MYO1H: variants seen among roughly 807,000 people sequenced by gnomAD.
The protein encoded by MYO1H is unconventional myosin-Ih.
In MYO1H, 118 loss-of-function variants were observed where a neutral mutation model predicts 149.3. The ratio of observed to expected loss-of-function variants is 0.79; its 90% CI spans 0.68 to 0.92. MYO1H has a LOEUF of 0.92. MYO1H is among the 40% of genes least tolerant of loss of function. The pLI, the probability that MYO1H is intolerant of heterozygous loss-of-function variation, is 0.00. For synonymous variants in MYO1H, 447 were observed against 465.2 expected (o/e 0.96, Z 0.50); for missense variants, 1,212 against 1,280.7 (o/e 0.95, Z 0.82).
chr12:109,323,104 C>T, the MYO1H span, among the ~76,000 whole-genome samples: 740 of 152,086 alleles, frequency 4.9e-3, 2 homozygotes, highest in African/African-American at 0.017. Flanking sequence ...GAGACTGTCT[C>T]AAAAACAAAA....
the MYO1H span, among the ~76,000 whole-genome samples, chr12:109,319,984 G>GC: frequency 6.6e-6 from 1 of 152,010 alleles, no homozygotes; most frequent in South Asian, 2.1e-4. Context: ...GTCTAATATG[G>GC]TAGCCATGAA....
At chr12:109,390,639 A>G (rs143771538) in intron 2 of MYO1H, among the ~76,000 whole-genome samples, 2 of 151,508 alleles carry the variant, frequency 1.3e-5, no homozygotes, top group Non-Finnish European at 2.9e-5. Flanking sequence ...GTTTGTAGGT[A>G]TACCCATCCT....
At chr12:109,415,711 C>A in intron 15 of MYO1H, 91 bp downstream of exon 15, 1 of 862,098 alleles carries the variant, frequency 1.2e-6, no homozygotes, top group Non-Finnish European at 1.7e-6. Context: ...AAATGGTGCA[C>A]AGCCATCCCA....
exon 4 of MYO1H, chr12:109,396,411 A>T (rs1477899952): frequency 6.2e-7 from 1 of 1,612,168 alleles, no homozygotes; most frequent in Admixed American, 1.7e-5. Flanking sequence ...ACGCTTACCG[A>T]ATGATGTGTG....
At chr12:109,332,578 T>C in the MYO1H span, among the ~76,000 whole-genome samples, 147 of 152,340 alleles carry the variant, frequency 9.6e-4, 2 homozygotes, top group South Asian at 4.1e-4. Context: ...CTTTTCATTT[T>C]CATTTTTATT....
Position 109,440,807 on chromosome 12 carries a change from A to G in MYO1H, c.2518A>G (p.Thr840Ala). The G allele has an allele frequency of 6.4e-7, 1 of 1,563,168 alleles. No individual in the cohort carries two copies. The highest frequency in any genetic ancestry group is 8.7e-7 in the Non-Finnish European group (1 of 1,153,662). The change falls in exon 25 of 32, where the codon ACA (threonine) becomes GCA (alanine). Residue 840 changes from threonine (T) to alanine (A), a missense_variant. Coordinates refer to ENST00000310903, the Ensembl canonical transcript of MYO1H. ...GGTGCAGAAGTACTGCCGCGGGATC[A>G]CAGCTGAGCGGAAAGCAATGGTAGG... is the stretch of plus-strand genomic sequence containing the variant.
At chr12:109,365,836 C>G (rs923844890) in intron 1 of MYO1H, among the ~76,000 whole-genome samples, 2 of 152,120 alleles carry the variant, frequency 1.3e-5, no homozygotes, top group Non-Finnish European at 1.5e-5. Context: ...GGGCAGTGGA[C>G]TGGTACCGGT....
At chr12:109,334,646 A>G in the MYO1H span, among the ~76,000 whole-genome samples, 1 of 152,146 alleles carries the variant, frequency 6.6e-6, no homozygotes, top group African/African-American at 2.4e-5. Flanking sequence ...TTTCTTGTCT[A>G]TGTATCTCGA....
chr12:109,417,432 A>G (rs1405634854), intron 15 of MYO1H, among the ~76,000 whole-genome samples: 2 of 151,930 alleles, frequency 1.3e-5, no homozygotes, highest in Admixed American at 1.3e-4. Flanking sequence ...GGTTCACGCC[A>G]TTCTCCTGCC....
At chr12:109,327,128 C>CTTTTTTTTTTTTTT in the MYO1H span, among the ~76,000 whole-genome samples, 1 of 103,692 alleles carries the variant, frequency 9.6e-6, no homozygotes, top group African/African-American at 4.2e-5. Flanking sequence ...TTTTCTTTTT[C>CTTTTTTTTTTTTTT]TTTTTCTTTT....
At chr12:109,346,235 C>T (rs2048102151), upstream of MYO1H, among the ~76,000 whole-genome samples, 1 of 152,072 alleles carries the variant, frequency 6.6e-6, no homozygotes, top group Admixed American at 6.5e-5. Flanking sequence ...TATAAGTAAT[C>T]TGACAATGAT....
At chr12:109,326,249 G>A in the MYO1H span, among the ~76,000 whole-genome samples, 3 of 152,114 alleles carry the variant, frequency 2.0e-5, no homozygotes, top group African/African-American at 7.2e-5. Context: ...CCAGAAGTTT[G>A]TATGTTTCTA....
At chr12:109,436,608 C>T (rs530013318) in intron 22 of MYO1H, 52 bp downstream of exon 22, 2 of 1,250,318 alleles carry the variant, frequency 1.6e-6, no homozygotes, top group East Asian at 5.0e-5. Flanking sequence ...ATCTGCTTGG[C>T]ACCTGGGGGC....
chr12:109,394,112 G>A lies in MYO1H; in HGVS notation c.290+666G>A, dbSNP rs76645831. ...ACATAACATTTTCTGTTTTATGCAA[G>A]TTTTTGAAAATACATACTCGCCTGC... On this transcript the variant is annotated intron_variant, in intron 3 of 31. Coordinates refer to ENST00000310903, the Ensembl canonical transcript of MYO1H. Among the ~76,000 whole-genome samples, 26 of 152,266 alleles carry A rather than the reference G, an allele frequency of 1.7e-4. No homozygotes were observed. The East Asian group carries it at 5.0e-3, about 29-fold the overall frequency.
intron 1 of MYO1H, among the ~76,000 whole-genome samples, chr12:109,388,386 G>A (rs904918205): frequency 6.6e-6 from 1 of 152,130 alleles, no homozygotes; most frequent in African/African-American, 2.4e-5. Flanking sequence ...TGTAGAATGG[G>A]CATCATAATA....
At chr12:109,442,168 A>T in intron 26 of MYO1H, 49 bp from the exon 27 acceptor site, 1 of 1,525,998 alleles carries the variant, frequency 6.6e-7, no homozygotes. Flanking sequence ...ACTTTTCCAC[A>T]GGATTGGTAC....
chr12:109,334,908 A>G, the MYO1H span, among the ~76,000 whole-genome samples: 3 of 152,176 alleles, frequency 2.0e-5, no homozygotes, highest in South Asian at 2.1e-4. Flanking sequence ...TCTTCCCCCA[A>G]AAAGAAACCC....
At chr12:109,379,276 A>G (rs759797164) in intron 1 of MYO1H, among the ~76,000 whole-genome samples, 2 of 152,230 alleles carry the variant, frequency 1.3e-5, no homozygotes, top group African/African-American at 2.4e-5. Context: ...TAGGATTTCA[A>G]TCTTTTGAAA....
chr12:109,349,850 A>T (rs1171321212), intron 1 of MYO1H, among the ~76,000 whole-genome samples: 1 of 150,800 alleles, frequency 6.6e-6, no homozygotes, highest in Non-Finnish European at 1.5e-5. Flanking sequence ...AGTCCCAGCT[A>T]CTCGGGAGGC....
Sources: allele counts gnomAD v4.1 joint callset (sites outside exome capture counted in the v4.1 genomes callset), GRCh38; gene constraint gnomAD v4.1.1; transcripts MANE v1.5; gene names NCBI Gene and HGNC (gene_info 2026-07-23, HGNC 2026-07-21).